QTMAN: variants seen among roughly 807,000 people sequenced by gnomAD.
QTMAN encodes queuosine-tRNA mannosyltransferase, also known as tRNA-queuosine alpha-mannosyltransferase.
the QTMAN span, among the ~76,000 whole-genome samples, chr2:144,316,386 TATC>T: frequency 6.6e-6 from 1 of 152,334 alleles, no homozygotes; most frequent in Admixed American, 6.5e-5. Flanking sequence ...ATGATACCAT[TATC>T]CAGTTATCAT....
At chr2:144,087,048 G>C in the QTMAN span, among the ~76,000 whole-genome samples, 2 of 151,848 alleles carry the variant, frequency 1.3e-5, no homozygotes, top group Non-Finnish European at 2.9e-5. Flanking sequence ...CATAAAAGCT[G>C]GTTCTTTAAT....
At chr2:144,184,568 A>G in the QTMAN span, among the ~76,000 whole-genome samples, 3 of 152,308 alleles carry the variant, frequency 2.0e-5, no homozygotes, top group Admixed American at 2.0e-4. Flanking sequence ...ATGAGAGTGG[A>G]AAAATGGCTA....
At chr2:144,210,261 G>A in the QTMAN span, among the ~76,000 whole-genome samples, 1 of 152,078 alleles carries the variant, frequency 6.6e-6, no homozygotes, top group Non-Finnish European at 1.5e-5. Context: ...CTCCAAAATA[G>A]AGACAACAGT....
chr2:144,126,586 T>C, the QTMAN span, among the ~76,000 whole-genome samples: 1 of 152,042 alleles, frequency 6.6e-6, no homozygotes, highest in Non-Finnish European at 1.5e-5. Context: ...GAAAGTACAA[T>C]TTTAAGTGAA....
the QTMAN span, among the ~76,000 whole-genome samples, chr2:144,051,008 T>C: frequency 6.6e-6 from 1 of 152,222 alleles, no homozygotes; most frequent in Non-Finnish European, 1.5e-5. Flanking sequence ...TATTAAGTTG[T>C]AGAACATGCA....
the QTMAN span, among the ~76,000 whole-genome samples, chr2:144,101,585 T>G: frequency 6.6e-6 from 1 of 152,154 alleles, no homozygotes; most frequent in Non-Finnish European, 1.5e-5. Context: ...GGTTCTATGA[T>G]TCTATAATGT....
At chr2:144,190,619 T>C in the QTMAN span, among the ~76,000 whole-genome samples, 1 of 152,202 alleles carries the variant, frequency 6.6e-6, no homozygotes, top group African/African-American at 2.4e-5. Flanking sequence ...GCTGGGATTA[T>C]ACAATAAGTC....
At chr2:144,178,632 C>T in the QTMAN span, 1 of 153,696 alleles carries the variant, frequency 6.5e-6, no homozygotes, top group African/African-American at 2.4e-5. Context: ...AGGCATCTCA[C>T]ACTCTTGTAT....
the QTMAN span, among the ~76,000 whole-genome samples, chr2:144,199,870 A>C: frequency 6.6e-6 from 1 of 152,186 alleles, no homozygotes; most frequent in Non-Finnish European, 1.5e-5. Context: ...ACATACTCAA[A>C]AGTTAATACT....
At chr2:144,201,759 C>G in the QTMAN span, among the ~76,000 whole-genome samples, 1 of 152,120 alleles carries the variant, frequency 6.6e-6, no homozygotes, top group African/African-American at 2.4e-5. Context: ...CAAAAGATAA[C>G]TAGTCTGGAG....
At chr2:144,312,488 T>C in the QTMAN span, among the ~76,000 whole-genome samples, 2 of 152,258 alleles carry the variant, frequency 1.3e-5, no homozygotes, top group Middle Eastern at 3.4e-3. Flanking sequence ...TTCTTAACCA[T>C]ACAAGATGGA....
At chr2:144,136,482 A>G in the QTMAN span, among the ~76,000 whole-genome samples, 6 of 150,568 alleles carry the variant, frequency 4.0e-5, no homozygotes, top group South Asian at 1.1e-3. Flanking sequence ...AGAAAAGAGA[A>G]AAGAGAAAGG....
chr2:144,110,505 C>T, the QTMAN span, among the ~76,000 whole-genome samples: 1 of 151,578 alleles, frequency 6.6e-6, no homozygotes, highest in African/African-American at 2.4e-5. Context: ...CAAACCTGCA[C>T]GTTGTGCACA....
chr2:143,980,442 T>A, the QTMAN span, among the ~76,000 whole-genome samples: 1 of 152,216 alleles, frequency 6.6e-6, no homozygotes, highest in Non-Finnish European at 1.5e-5. Context: ...AGAGGTCATG[T>A]TGTTGTTTAA....
At chr2:144,079,902 T>A in the QTMAN span, among the ~76,000 whole-genome samples, 1 of 152,148 alleles carries the variant, frequency 6.6e-6, no homozygotes, top group Admixed American at 6.5e-5. Flanking sequence ...ATACTTTACA[T>A]TATTGGAATG....
At chr2:144,173,046 A>G in the QTMAN span, among the ~76,000 whole-genome samples, 5 of 152,106 alleles carry the variant, frequency 3.3e-5, no homozygotes, top group African/African-American at 1.2e-4. Context: ...CTAGGTGGAT[A>G]GCTTTTTTCT....
the QTMAN span, among the ~76,000 whole-genome samples, chr2:144,092,861 A>C: frequency 7.7e-6 from 1 of 130,410 alleles, no homozygotes; most frequent in African/African-American, 3.2e-5. Flanking sequence ...TGAATAAATA[A>C]ACTTTTGGGG....
chr2:144,107,644 G>A, the QTMAN span, among the ~76,000 whole-genome samples: 2 of 152,184 alleles, frequency 1.3e-5, no homozygotes, highest in African/African-American at 2.4e-5. Flanking sequence ...TCCAGGACCA[G>A]ATGGATTCAC....
At chr2:144,198,461 C>T in the QTMAN span, among the ~76,000 whole-genome samples, 2 of 152,134 alleles carry the variant, frequency 1.3e-5, no homozygotes, top group African/African-American at 4.8e-5. Flanking sequence ...AAAAGAGGTA[C>T]TCGCAGATAA....
Sources: gnomAD v4.1 joint callset for allele counts (sites outside exome capture counted in the v4.1 genomes callset) on GRCh38, gnomAD v4.1.1 for gene constraint, MANE v1.5 for transcripts, NCBI Gene and HGNC (gene_info 2026-07-23, HGNC 2026-07-21) for gene names.